Variants in EIF4G3 observed in about 807,000 individuals in gnomAD.
EIF4G3 encodes the protein eukaryotic translation initiation factor 4 gamma 3.
A neutral mutation model predicts 186.4 loss-of-function variants in EIF4G3; 34 were observed. The ratio of observed to expected loss-of-function variants is 0.18; its 90% CI spans 0.14 to 0.24. The LOEUF is 0.24. EIF4G3 is among the 10% of genes least tolerant of loss of function. EIF4G3 has a pLI of 1.00. For synonymous variants in EIF4G3, 673 were observed against 679.5 expected, an observed-to-expected ratio of 0.99 and a Z score of 0.15; for missense variants, 1,536 against 1,948.5, an observed-to-expected ratio of 0.79 and a Z score of 3.99.
At chr1:20,899,548 C>T in intron 16 of EIF4G3, 149 bp downstream of exon 16, 1 of 945,646 alleles carries the variant, frequency 1.1e-6, no homozygotes. Context: ...TTGCTAGTCA[C>T]TAACTTGGGC....
At chr1:20,939,085 C>T (rs567503887) in intron 14 of EIF4G3, among the ~76,000 whole-genome samples, 4 of 133,700 alleles carry the variant, frequency 3.0e-5, no homozygotes, top group African/African-American at 5.6e-5. Context: ...CCAGCCCGGG[C>T]GATGGAGCGA....
At chr1:20,926,680 G>GAAAAAAAAA (rs376198678) in intron 14 of EIF4G3, among the ~76,000 whole-genome samples, 1 of 124,372 alleles carries the variant, frequency 8.0e-6, no homozygotes, top group Non-Finnish European at 1.7e-5. Flanking sequence ...AAAAAGAAAA[G>GAAAAAAAAA]AAAAAAAAAA....
chr1:20,974,727 T>A (rs1203076509), intron 10 of EIF4G3, among the ~76,000 whole-genome samples: 3 of 152,028 alleles, frequency 2.0e-5, no homozygotes, highest in African/African-American at 7.2e-5. Context: ...TATATACAGA[T>A]GACACTAATC....
chr1:21,147,363 CAG>C (rs1340634255), intron 2 of EIF4G3, among the ~76,000 whole-genome samples: 1 of 151,932 alleles, frequency 6.6e-6, no homozygotes, highest in Non-Finnish European at 1.5e-5. Flanking sequence ...TCTTCTGAGA[CAG>C]AGTCTCACAC....
At chr1:20,882,749 T>C (rs764077525) in intron 19 of EIF4G3, among the ~76,000 whole-genome samples, 1 of 151,942 alleles carries the variant, frequency 6.6e-6, no homozygotes, top group Middle Eastern at 3.2e-3. Flanking sequence ...CGAGCCATCA[T>C]TGTGCCACTG....
chr1:20,994,136 C>T (rs1251739534), intron 7 of EIF4G3, among the ~76,000 whole-genome samples: 1 of 152,134 alleles, frequency 6.6e-6, no homozygotes, highest in East Asian at 1.9e-4. Context: ...ATTTAAAGCC[C>T]AAACGATGCT....
Position 21,067,323 on chromosome 1 carries a change from G to A in EIF4G3, c.-195-16329C>T, listed in dbSNP as rs113440343. Among the ~76,000 whole-genome samples the A allele has an allele frequency of 3.6e-3, 554 of 151,802 alleles. 5 individuals carry two copies. The highest frequency in any genetic ancestry group is 0.013 in the African/African-American group (523 of 41,444). ...AATTTTTGTATTTTTAGTAGAGACG[G>A]GTTTTCACCGTGTTGGCCAGGCTGG... On this transcript the variant is annotated intron_variant, in intron 3 of 36. Coordinates refer to ENST00000602326, the MANE Select transcript of EIF4G3 (RefSeq NM_001391906.1).
intron 14 of EIF4G3, among the ~76,000 whole-genome samples, chr1:20,929,972 G>C (rs2095217253): frequency 6.6e-6 from 1 of 152,118 alleles, no homozygotes; most frequent in Non-Finnish European, 1.5e-5. Context: ...AGTTAATATT[G>C]CAATAAAGCG....
intron 2 of EIF4G3, among the ~76,000 whole-genome samples, chr1:21,106,601 T>C (rs144748422): frequency 2.6e-5 from 4 of 152,202 alleles, no homozygotes; most frequent in East Asian, 1.9e-4. Context: ...GAAATGCCTA[T>C]GAAAAATCCA....
At chr1:21,167,220 G>A (rs569591074) in intron 2 of EIF4G3, among the ~76,000 whole-genome samples, 1 of 152,204 alleles carries the variant, frequency 6.6e-6, no homozygotes, top group Non-Finnish European at 1.5e-5. Flanking sequence ...TTTAAAACTG[G>A]CTGTGTTCAT....
At chr1:21,054,482 A>C (rs560291451) in intron 3 of EIF4G3, among the ~76,000 whole-genome samples, 34 of 152,116 alleles carry the variant, frequency 2.2e-4, no homozygotes, top group African/African-American at 6.7e-4. Flanking sequence ...AAAAAAGAAA[A>C]GAAAAAGAAA....
intron 7 of EIF4G3, 92 bp from the exon 8 acceptor site, chr1:20,982,500 C>T (rs2078512154): frequency 2.4e-6 from 2 of 838,932 alleles, no homozygotes; most frequent in Non-Finnish European, 3.5e-6. Context: ...AAATAGCATG[C>T]AGCTCAACAA....
intron 3 of EIF4G3, among the ~76,000 whole-genome samples, chr1:21,051,952 T>C (rs886583381): frequency 2.6e-5 from 4 of 152,226 alleles, no homozygotes; most frequent in African/African-American, 9.6e-5. Context: ...ATTATTTGTT[T>C]ACGTATGCAT....
intron 18 of EIF4G3, among the ~76,000 whole-genome samples, chr1:20,891,618 A>G (rs1214416311): frequency 9.5e-4 from 64 of 67,340 alleles, no homozygotes; most frequent in Non-Finnish European, 1.7e-3. Context: ...TAAAAATACA[A>G]AAAAAAAAAA....
chr1:21,031,384 C>CAA (rs35183246), intron 4 of EIF4G3, among the ~76,000 whole-genome samples: 72 of 73,350 alleles, frequency 9.8e-4, no homozygotes, highest in East Asian at 4.0e-3. Context: ...GGAATGATGG[C>CAA]AAAAAAAAAA....
chr1:20,853,591 C>T lies in EIF4G3; in HGVS notation c.3520G>A (p.Val1174Ile). ...AAGGTCCTTCGGGAATCAAACTCTA[C>T]AGGCGTGGATGGCGTGGACCCTGAG... ...APSGSTPSTP[V>I]EFDSRRTLTS... Residue 1174 changes from valine (V) to isoleucine (I), a missense_variant, in exon 27 of 37, where the codon GTA becomes ATA. This residue lies in a region of EIF4G3 where 395 missense variants were observed against 498.9 expected (regional missense o/e 0.79). Transcript: ENST00000602326. The T allele has an allele frequency of 3.1e-6, 5 of 1,613,864 alleles. No homozygotes were observed. Among genetic ancestry groups the T allele is most frequent in the South Asian group, 1.1e-5 (1 of 91,054 alleles).
intron 2 of EIF4G3, among the ~76,000 whole-genome samples, chr1:21,146,775 T>A (rs886455301): frequency 6.6e-6 from 1 of 151,628 alleles, no homozygotes; most frequent in Non-Finnish European, 1.5e-5. Flanking sequence ...AATAAATAAA[T>A]AAAATTACAT....
At chr1:20,933,665 A>G (rs1256791341) in intron 14 of EIF4G3, among the ~76,000 whole-genome samples, 3 of 152,056 alleles carry the variant, frequency 2.0e-5, no homozygotes, top group Non-Finnish European at 2.9e-5. Flanking sequence ...TGTGGGGGGA[A>G]AAACAAAAAC....
intron 14 of EIF4G3, among the ~76,000 whole-genome samples, chr1:20,911,264 T>C (rs2093147034): frequency 1.3e-5 from 2 of 151,704 alleles, no homozygotes; most frequent in South Asian, 2.1e-4. Flanking sequence ...TCATTCCACG[T>C]AGGTTAAAAG....
Sources: allele counts gnomAD v4.1 joint callset (sites outside exome capture counted in the v4.1 genomes callset), GRCh38; gene constraint gnomAD v4.1.1; regional missense constraint gnomAD v4.1.1; transcripts MANE v1.5; gene names NCBI Gene and HGNC (gene_info 2026-07-23, HGNC 2026-07-21).